Variants in SAMMSON observed in about 807,000 individuals in gnomAD.
The protein encoded by SAMMSON is survival associated mitochondrial melanoma specific oncogenic non-coding RNA.
chr3:70,140,217 A>G lies in SAMMSON; in HGVS notation n.507+68652A>G, dbSNP rs147046950. The G allele has an allele frequency of 2.4e-4, 40 of 167,894 alleles. No individual in the cohort carries two copies. The East Asian group carries it at 5.6e-3, about 24-fold the overall frequency. The allele number at this position is 167,894 out of a possible 1,614,324, so 10.4% of individuals were successfully genotyped here. A position where few individuals can be genotyped will look rare whatever the true frequency, so the allele number is the denominator to read the frequency against. Reference sequence around the variant, plus strand: ...GTTGAATTCAGAACCATAGCCAGACATGGGACTGGAAGATGAGTGAAAGAT... The same window carrying G: ...GTTGAATTCAGAACCATAGCCAGACGTGGGACTGGAAGATGAGTGAAAGAT... On this transcript the variant is annotated intron_variant and non_coding_transcript_variant, in intron 4 of 9. Transcript: ENST00000642114.
intron 3 of SAMMSON, among the ~76,000 whole-genome samples, chr3:70,044,308 T>C (rs562126941): frequency 1.6e-4 from 24 of 152,086 alleles, no homozygotes; most frequent in African/African-American, 4.8e-4. Flanking sequence ...TGAAAATATA[T>C]TGCGCTTAGG....
At chr3:70,084,961 A>G (rs1373116949) in intron 4 of SAMMSON, 4 of 152,218 alleles carry the variant, frequency 2.6e-5, no homozygotes, top group Non-Finnish European at 5.9e-5. Context: ...TTAGAATAGC[A>G]TGTGCTTGGA....
intron 2 of SAMMSON, among the ~76,000 whole-genome samples, chr3:70,400,409 G>C (rs949417925): frequency 6.6e-6 from 1 of 152,028 alleles, no homozygotes; most frequent in African/African-American, 2.4e-5. Context: ...GGTTTCGTTG[G>C]GTCCTCTTTC....
In SAMMSON at chr3:70,151,743, G is replaced by GT. The variant is rs71620119; in HGVS notation, n.507+80180dup. Among the ~76,000 whole-genome samples the GT allele has an allele frequency of 5.7e-4, 87 of 151,466 alleles. 1 individual carries two copies. Among genetic ancestry groups the GT allele is most frequent in the African/African-American group, 1.6e-3 (67 of 41,172 alleles). On this transcript the variant is annotated intron_variant and non_coding_transcript_variant, in intron 4 of 9. Transcript: ENST00000642114. The stretch of plus-strand genomic sequence containing the variant: ...TGCCGTCATCTCATCATGTAAATGG[G>GT]TTGTTTTTCTTTTTTTTGCATAATC...
Position 70,135,146 on chromosome 3 carries a change from A to G in SAMMSON, n.507+63581A>G, listed in dbSNP as rs1431033002. Among the ~76,000 whole-genome samples the G allele has an allele frequency of 2.0e-5, 3 of 152,130 alleles. No homozygotes were observed. The East Asian group carries it at 5.8e-4, about 29-fold the overall frequency. ...ATTTAAACCTGTGCATTTATTTGTC[A>G]ATAAAACCTATGGTCTTATTGGTTT... On this transcript the variant is annotated intron_variant and non_coding_transcript_variant, in intron 4 of 9. Coordinates refer to ENST00000642114, the Ensembl canonical transcript of SAMMSON.
At chr3:70,313,808 G>A (rs1702475741) in intron 7 of SAMMSON, among the ~76,000 whole-genome samples, 1 of 151,900 alleles carries the variant, frequency 6.6e-6, no homozygotes, top group Non-Finnish European at 1.5e-5. Flanking sequence ...AAATAGTTTT[G>A]TTTCTCCCAT....
rs1701177676 is a variant in SAMMSON, at chr3:70,196,190, ATAAC to A, written n.508-52913_508-52910del. 2.0e-5 allele frequency among the ~76,000 whole-genome samples: 3 copies of A among 152,328 alleles called. No individual in the cohort carries two copies. The South Asian group carries it at 6.2e-4, about 32-fold the overall frequency. ...ATAATTCTCATTTATGCTTATTAGAATAACTAAGAGCCTTTCTGTAACGAATTAA... is the reference window on the plus strand; with the variant it reads ...ATAATTCTCATTTATGCTTATTAGAATAAGAGCCTTTCTGTAACGAATTAA... On this transcript the variant is annotated intron_variant and non_coding_transcript_variant, in intron 4 of 9. Transcript: ENST00000642114.
At chr3:70,016,627 T>G (rs1389188893) in intron 3 of SAMMSON, among the ~76,000 whole-genome samples, 1 of 152,182 alleles carries the variant, frequency 6.6e-6, no homozygotes, top group African/African-American at 2.4e-5. Flanking sequence ...TTTGTTGCCA[T>G]TGCTTTTGGT....
chr3:70,196,265 A>G (rs541263674), intron 4 of SAMMSON, among the ~76,000 whole-genome samples: 180 of 152,296 alleles, frequency 1.2e-3, no homozygotes, highest in Non-Finnish European at 2.3e-3. Flanking sequence ...ATACAATAAT[A>G]TGGTCTAGAA....
At chr3:70,403,836 G>A (rs1701159361) in intron 2 of SAMMSON, among the ~76,000 whole-genome samples, 1 of 152,026 alleles carries the variant, frequency 6.6e-6, no homozygotes, top group African/African-American at 2.4e-5. Flanking sequence ...ATACAGATAA[G>A]TATGTATATG....
intron 1 of SAMMSON, among the ~76,000 whole-genome samples, chr3:70,004,423 A>T (rs533812550): frequency 4.5e-4 from 68 of 152,302 alleles, no homozygotes; most frequent in African/African-American, 1.5e-3. Flanking sequence ...ACAAATTATA[A>T]TCAATATGTA....
At chr3:70,243,669 T>C (rs1164966561) in intron 4 of SAMMSON, among the ~76,000 whole-genome samples, 1 of 152,194 alleles carries the variant, frequency 6.6e-6, no homozygotes, top group Non-Finnish European at 1.5e-5. Context: ...CAGCAGCACC[T>C]TCTCCAACGT....
chr3:70,274,012 A>T (rs1701998070), intron 6 of SAMMSON, among the ~76,000 whole-genome samples: 1 of 151,732 alleles, frequency 6.6e-6, no homozygotes, highest in Non-Finnish European at 1.5e-5. Context: ...CAAAACTAAG[A>T]TGCCATTATT....
At chr3:70,422,775 C>G (rs549016253) in intron 2 of SAMMSON, among the ~76,000 whole-genome samples, 1 of 151,610 alleles carries the variant, frequency 6.6e-6, no homozygotes, top group African/African-American at 2.4e-5. Context: ...AAAAAAGCAC[C>G]AAAATGATAC....
intron 4 of SAMMSON, among the ~76,000 whole-genome samples, chr3:70,077,817 C>T (rs568511882): frequency 1.1e-4 from 16 of 152,244 alleles, no homozygotes; most frequent in South Asian, 2.1e-4. Context: ...GTAATAGATA[C>T]GCTGGTCACA....
chr3:70,207,497 C>G (rs1701303846), intron 4 of SAMMSON, among the ~76,000 whole-genome samples: 1 of 151,890 alleles, frequency 6.6e-6, no homozygotes, highest in Non-Finnish European at 1.5e-5. Context: ...GTTTGGAGAG[C>G]CATAGAGAAG....
Position 70,092,149 on chromosome 3 carries a change from G to T in SAMMSON, n.507+20584G>T, listed in dbSNP as rs138044377. Among the ~76,000 whole-genome samples, 5 of 152,186 alleles carry T rather than the reference G, an allele frequency of 3.3e-5. No individual in the cohort carries two copies. The East Asian group carries it at 9.7e-4, about 30-fold the overall frequency. ...CTCTGGTCTCAATTTGCCTGTATGCGAAGTGATACTTGCTTTGAAATTAAG... is the reference window on the plus strand; with the variant it reads ...CTCTGGTCTCAATTTGCCTGTATGCTAAGTGATACTTGCTTTGAAATTAAG... On this transcript the variant is annotated intron_variant and non_coding_transcript_variant, in intron 4 of 9. Transcript: ENST00000642114.
chr3:70,251,560 G>A (rs550527359), intron 6 of SAMMSON, among the ~76,000 whole-genome samples: 1 of 152,184 alleles, frequency 6.6e-6, no homozygotes, highest in African/African-American at 2.4e-5. Flanking sequence ...GTACATTCCT[G>A]CTCCTTTCTG....
intron 2 of SAMMSON, among the ~76,000 whole-genome samples, chr3:70,413,368 T>A (rs1305041788): frequency 6.6e-6 from 1 of 152,140 alleles, no homozygotes; most frequent in Non-Finnish European, 1.5e-5. Context: ...AAAAATTTTC[T>A]GAAATTGCTC....
Sources: allele counts gnomAD v4.1 joint callset (sites outside exome capture counted in the v4.1 genomes callset), GRCh38; gene constraint gnomAD v4.1.1; transcripts MANE v1.5; gene names NCBI Gene and HGNC (gene_info 2026-07-23, HGNC 2026-07-21).